The following WDR37 variants were observed in gnomAD, a reference collection of about 807,000 sequenced individuals.
WDR37 encodes WD repeat domain 37, also known as WD repeat-containing protein 37.
A neutral mutation model predicts 62.9 loss-of-function variants in WDR37; 19 were observed. The observed-to-expected ratio is 0.30, with a 90% CI of 0.21 to 0.44. The LOEUF is 0.44. Ranked by LOEUF, WDR37 falls within the 20% of genes least tolerant of loss-of-function variation. WDR37 has a pLI of 1.00. For missense variants in WDR37, 474 were observed against 657.6 expected (o/e 0.72, Z 3.05); for synonymous variants, 250 against 260.9 (o/e 0.96, Z 0.40).
At chr10:1,090,313 C>G (rs190348534) in intron 7 of WDR37, among the ~76,000 whole-genome samples, 1 of 152,144 alleles carries the variant, frequency 6.6e-6, no homozygotes, top group Admixed American at 6.5e-5. Context: ...CACATGCCAC[C>G]ACGCCCAGCT....
chr10:1,105,071 C>T lies in WDR37; in HGVS notation c.962-55C>T, dbSNP rs1834960968. The T allele has an allele frequency of 3.1e-6, 5 of 1,593,694 alleles. No individual in the cohort carries two copies. In the East Asian group the frequency reaches 6.8e-5, roughly 22 times the overall value. On this transcript the variant is annotated intron_variant, in intron 10 of 13. Transcript: ENST00000263150. The surrounding 1 kb of genome is among the most constrained non-coding windows in gnomAD (Gnocchi z 5.3). ...GGGTTCTTGTGCTGTTGAAAAGCGTCTCTCTCAGCGTGCTCCTCAGGTGAT... is the reference window on the plus strand; with the variant it reads ...GGGTTCTTGTGCTGTTGAAAAGCGTTTCTCTCAGCGTGCTCCTCAGGTGAT...
chr10:1,102,394 T>C (rs1373616551), intron 9 of WDR37, among the ~76,000 whole-genome samples: 1 of 150,638 alleles, frequency 6.6e-6, no homozygotes, highest in Non-Finnish European at 1.5e-5. Flanking sequence ...CTTGCATTGC[T>C]ATAAAAAATA....
intron 2 of WDR37, among the ~76,000 whole-genome samples, chr10:1,074,939 C>T (rs1833828051): frequency 6.6e-6 from 1 of 152,280 alleles, no homozygotes; most frequent in Admixed American, 6.5e-5. Flanking sequence ...GAGCTGGCTG[C>T]TTCCCGCACG....
intron 9 of WDR37, among the ~76,000 whole-genome samples, chr10:1,097,053 C>G (rs999354356): frequency 3.3e-5 from 5 of 152,188 alleles, no homozygotes; most frequent in Non-Finnish European, 2.9e-5. Flanking sequence ...CTTGGCTGAG[C>G]TGAGATCCTG....
At chr10:1,093,618 A>G in intron 8 of WDR37, 122 bp downstream of exon 8, 4 of 817,942 alleles carry the variant, frequency 4.9e-6, no homozygotes, top group Non-Finnish European at 5.7e-6. Context: ...TTTAGTAGAC[A>G]TTTTATGAAT....
intron 10 of WDR37, among the ~76,000 whole-genome samples, chr10:1,104,219 A>G: frequency 6.6e-6 from 1 of 152,316 alleles, no homozygotes; most frequent in East Asian, 1.9e-4. Flanking sequence ...TCAAAGACCT[A>G]AGTGAGGGTG....
chr10:1,080,245 A>G (rs1833988611), intron 4 of WDR37, 139 bp downstream of exon 4: 1 of 1,266,592 alleles, frequency 7.9e-7, no homozygotes, highest in South Asian at 1.3e-5. Flanking sequence ...GTCTAGGAGA[A>G]TAAGGAGCTC....
intron 1 of WDR37, among the ~76,000 whole-genome samples, chr10:1,071,455 T>C (rs1044528596): frequency 6.6e-6 from 1 of 152,148 alleles, no homozygotes; most frequent in African/African-American, 2.4e-5. Context: ...GGAGGAAGGA[T>C]GGATAATAAC....
rs1046860281 is a variant in WDR37 at position 1,131,883 on chromosome 10, A to C, written c.*2539A>C. The C allele has an allele frequency of 1.3e-5, 2 of 152,660 alleles. No homozygotes were observed. The highest frequency in any genetic ancestry group is 4.8e-5 in the African/African-American group (2 of 41,470). The allele number at this position is 152,660 out of a possible 1,614,324, so 9.5% of individuals were successfully genotyped here. On this transcript the variant is annotated 3_prime_UTR_variant, in exon 14 of 14. Coordinates refer to ENST00000263150, the MANE Select transcript of WDR37 (RefSeq NM_014023.4). The stretch of plus-strand genomic sequence containing the variant: ...AAAACTGTATATGATACAGAATTTC[A>C]TAAGAGCCATGCTGTTGGGCAAAGC...
intron 5 of WDR37, among the ~76,000 whole-genome samples, chr10:1,082,849 C>T (rs1053178827): frequency 2.0e-5 from 3 of 151,798 alleles, no homozygotes; most frequent in South Asian, 2.1e-4. Context: ...TCTTACCCTG[C>T]GAATGGAGCA....
intron 13 of WDR37, among the ~76,000 whole-genome samples, chr10:1,127,491 G>A (rs1326871685): frequency 6.6e-6 from 1 of 152,230 alleles, no homozygotes; most frequent in Admixed American, 6.5e-5. Flanking sequence ...TTCTTCAGCT[G>A]ACTGACTTGA....
At chr10:1,066,282 A>T (rs1564495794) in intron 1 of WDR37, among the ~76,000 whole-genome samples, 2 of 152,024 alleles carry the variant, frequency 1.3e-5, no homozygotes, top group South Asian at 2.1e-4. Context: ...CGCCCTGCTA[A>T]TTTTTTGTAT....
intron 13 of WDR37, 119 bp from the exon 14 acceptor site, chr10:1,129,094 C>T: frequency 1.4e-6 from 2 of 1,416,932 alleles, no homozygotes; most frequent in Non-Finnish European, 1.9e-6. Flanking sequence ...ATCCTGCACA[C>T]CATGTTGTTT....
In WDR37 at chr10:1,106,220, C is replaced by T. The variant is rs370325757; in HGVS notation, c.1103+953C>T. ...ACCTAGAGTGTTCCCTGGTTCTTCTCTTTTAATCTCTGTTCCCCGTTCCCC... is the reference window on the plus strand; with the variant it reads ...ACCTAGAGTGTTCCCTGGTTCTTCTTTTTTAATCTCTGTTCCCCGTTCCCC... On this transcript the variant is annotated intron_variant, in intron 11 of 13. Transcript: ENST00000263150. Among the ~76,000 whole-genome samples the T allele has an allele frequency of 4.3e-4, 65 of 152,228 alleles. 1 individual carries two copies. The South Asian group carries it at 0.013, about 30-fold the overall frequency.
At chr10:1,106,559 C>T (rs539416533) in intron 11 of WDR37, among the ~76,000 whole-genome samples, 16 of 152,208 alleles carry the variant, frequency 1.1e-4, no homozygotes, top group African/African-American at 2.6e-4. Flanking sequence ...TTCTGTCGCC[C>T]GGGCTGGAGT....
At chr10:1,090,070 G>T (rs1437659587) in intron 7 of WDR37, among the ~76,000 whole-genome samples, 1 of 152,180 alleles carries the variant, frequency 6.6e-6, no homozygotes, top group Non-Finnish European at 1.5e-5. Flanking sequence ...ACGTTGAAAC[G>T]ATTCTCCTGC....
chr10:1,059,885 C>T (rs765023844), intron 1 of WDR37, among the ~76,000 whole-genome samples: 3 of 152,124 alleles, frequency 2.0e-5, no homozygotes, highest in South Asian at 4.2e-4. Flanking sequence ...ATTTCTGTCA[C>T]GCAGGCTGGA....
rs1188987575 is a variant in WDR37, at chr10:1,081,628, G to A, written c.396+1152G>A. Reference sequence around the variant, plus strand: ...ACTTTCCTTCGATAACATCTAGAATGTAAGTTGCTAATTTATTTGATTTTT... The same window carrying A: ...ACTTTCCTTCGATAACATCTAGAATATAAGTTGCTAATTTATTTGATTTTT... On this transcript the variant is annotated intron_variant, in intron 5 of 13. Coordinates refer to ENST00000263150, the MANE Select transcript of WDR37 (RefSeq NM_014023.4). Among the ~76,000 whole-genome samples, 4 of 152,084 alleles carry A rather than the reference G, an allele frequency of 2.6e-5. No individual in the cohort carries two copies. In the East Asian group the frequency reaches 7.7e-4, roughly 29 times the overall value.
rs966130889 is a variant in WDR37, at chr10:1,130,485, G to C, written c.*1141G>C. On this transcript the variant is annotated 3_prime_UTR_variant, in exon 14 of 14. Transcript: ENST00000263150. ...GTGGTGGGGACGCCTCTCAGTGCCA[G>C]TCCCGCCACTGCTGAGTGAGCCTGG... The C allele has an allele frequency of 2.1e-4, 32 of 152,542 alleles. No individual in the cohort carries two copies. The highest frequency in any genetic ancestry group is 7.2e-4 in the African/African-American group (30 of 41,576). 9.4% of individuals were successfully genotyped at this position (152,542 alleles called of 1,614,324 possible).
Sources: allele counts gnomAD v4.1 joint callset (sites outside exome capture counted in the v4.1 genomes callset), GRCh38; gene constraint gnomAD v4.1.1; non-coding constraint Gnocchi (gnomAD v3.1); transcripts MANE v1.5; gene names NCBI Gene and HGNC (gene_info 2026-07-23, HGNC 2026-07-21).